VSIG2: variants seen among roughly 807,000 people sequenced by gnomAD.
The protein encoded by VSIG2 is V-set and immunoglobulin domain containing 2, also known as V-set and immunoglobulin domain-containing protein 2.
Under a neutral mutation model 29.4 loss-of-function variants are expected in VSIG2, and 30 were observed. The observed-to-expected ratio is 1.02, with a 90% CI of 0.76 to 1.38. The LOEUF (loss-of-function observed/expected upper bound fraction) is 1.38, where lower values mean the gene tolerates loss of function less well. Ranked by LOEUF, VSIG2 falls within the 40% of genes most tolerant of loss-of-function variation. The pLI, the probability that VSIG2 is intolerant of heterozygous loss-of-function variation, is 0.00. For synonymous variants in VSIG2, 178 were observed against 174.2 expected (o/e 1.02, Z -0.17); for missense variants, 421 against 400.8 (o/e 1.05, Z -0.43).
intron 1 of VSIG2, 133 bp downstream of exon 1, chr11:124,751,944 C>T: frequency 9.1e-7 from 1 of 1,104,778 alleles, no homozygotes; most frequent in Non-Finnish European, 1.2e-6. Flanking sequence ...GGCCTCACCT[C>T]AGGCGCCTTA....
In VSIG2 at chr11:124,748,656, G is replaced by C; in HGVS notation, c.694C>G (p.Leu232Val). ...CCAGCATCCCTACCGGTCACAGAGA[G>C]GGTCAGCTCACAGGATGCACTGCCC... is the stretch of plus-strand genomic sequence containing the variant. Reference protein sequence around the residue: ...QMGSASCELTLSVTEPSQGRV... With the variant: ...QMGSASCELTVSVTEPSQGRV... Residue 232 changes from leucine (L) to valine (V), a missense_variant, in exon 5 of 7, where the codon CTC becomes GTC. Transcript: ENST00000326621. 1.2e-6 allele frequency: 2 copies of C among 1,613,494 alleles called. No homozygotes were observed. The highest frequency in any genetic ancestry group is 1.7e-6 in the Non-Finnish European group (2 of 1,179,610).
chr11:124,751,872 A>G (rs1323387797), intron 1 of VSIG2, among the ~76,000 whole-genome samples: 4 of 152,116 alleles, frequency 2.6e-5, no homozygotes, highest in Non-Finnish European at 5.9e-5. Context: ...GAGAGGCCCA[A>G]CTCGCTCGCC....
Position 124,752,078 on chromosome 11 carries a change from ACTCAGGCACAGGAAG to A in VSIG2, c.45_59del (p.Phe16_Ser20del). On this transcript the variant is annotated inframe_deletion and splice_region_variant, in exon 1 of 7. Transcript: ENST00000326621. ...TGGTCCCGCCCGGCCCCTCCTCACC[ACTCAGGCACAGGAAG>A]CCTAGCAGGGCCCCGCAGAGAAAGG... The A allele has an allele frequency of 6.2e-7, 1 of 1,605,464 alleles. No homozygotes were observed. Among genetic ancestry groups the A allele is most frequent in the Non-Finnish European group, 8.5e-7 (1 of 1,178,318 alleles).
chr11:124,749,471 C>A (rs1002037989), intron 4 of VSIG2, among the ~76,000 whole-genome samples: 3 of 152,186 alleles, frequency 2.0e-5, no homozygotes, highest in African/African-American at 7.2e-5. Flanking sequence ...CCTCTACTCT[C>A]TTCCAGGATA....
chr11:124,750,096 A>G (rs1448012819), intron 3 of VSIG2, among the ~76,000 whole-genome samples: 1 of 152,212 alleles, frequency 6.6e-6, no homozygotes, highest in African/African-American at 2.4e-5. Flanking sequence ...GTGTGTTAAC[A>G]TAACCTCCAC....
chr11:124,751,969 C>A, intron 1 of VSIG2, 108 bp downstream of exon 1: 1 of 1,321,340 alleles, frequency 7.6e-7, no homozygotes, highest in South Asian at 1.6e-5. Flanking sequence ...CCCTGGCGCC[C>A]ACGGCAGCCT....
rs200370132 is a variant in VSIG2, at chr11:124,748,645, G to A, written c.705C>T (p.Thr235=). Residue 235 remains threonine, a splice_region_variant and synonymous_variant, in exon 5 of 7, where the codon ACC becomes ACT. Coordinates refer to ENST00000326621, the MANE Select transcript of VSIG2 (RefSeq NM_014312.5). ...SASCELTLSV[T]EPSQGRVAGA... ...CTGGCCTCCACCCAGCATCCCTACC[G>A]GTCACAGAGAGGGTCAGCTCACAGG... 1.1e-5 allele frequency: 17 copies of A among 1,612,420 alleles called. No homozygotes were observed. The highest frequency in any genetic ancestry group is 1.4e-5 in the Non-Finnish European group (16 of 1,179,022).
At position 124,749,802 on chromosome 11, in the gene VSIG2, CAGTGCAGTAGAGCCTCCCACAG is replaced by C; in HGVS notation, c.470_491del (p.Ser157Ter). 6.3e-7 allele frequency: 1 copy of C among 1,599,498 alleles called. No homozygotes were observed. The highest frequency in any genetic ancestry group is 8.5e-7 in the Non-Finnish European group (1 of 1,173,862). The stretch of plus-strand genomic sequence containing the variant: ...GAGCCCCCTCGGAAGAGCTGCATCT[CAGTGCAGTAGAGCCTCCCACAG>C]AGGTTTGTCCACTCTGACTGCATAA... On this transcript the variant is annotated frameshift_variant, in exon 4 of 7. Coordinates refer to ENST00000326621, the MANE Select transcript of VSIG2 (RefSeq NM_014312.5). LOFTEE classifies it high-confidence loss of function.
At position 124,752,204 on chromosome 11, in the gene VSIG2, C is replaced by A; in HGVS notation, c.-67G>T. 6.8e-7 allele frequency: 1 copy of A among 1,475,574 alleles called. No homozygotes were observed. 91.4% of individuals were successfully genotyped at this position (1,475,574 alleles called of 1,614,324 possible). On this transcript the variant is annotated 5_prime_UTR_variant, in exon 1 of 7. Transcript: ENST00000326621. ...GGTCAAGGTCGGTCTGGGTGTCGGG[C>A]AGGGAAGGGAGCACCCAAGGGCAGC...
rs753939828 is a variant in VSIG2 at position 124,748,704 on chromosome 11, G to C, written c.646C>G (p.Arg216Gly). ...NLSLTSSGTY[R>G]CVATNQMGSA... ...CCCATCTGGTTGGTGGCCACACAGCGGTAGGTGCCCGAGGAGGTCAGGGAG... is the reference window on the plus strand; with the variant it reads ...CCCATCTGGTTGGTGGCCACACAGCCGTAGGTGCCCGAGGAGGTCAGGGAG... Residue 216 changes from arginine (R) to glycine (G), a missense_variant, in exon 5 of 7, where the codon CGC (arginine) becomes GGC (glycine). Arg to Gly is a moderately radical substitution (Grantham distance 125, BLOSUM62 -2). Coordinates refer to ENST00000326621, the MANE Select transcript of VSIG2 (RefSeq NM_014312.5). The C allele has an allele frequency of 6.2e-7, 1 of 1,614,040 alleles. No homozygotes were observed. Among genetic ancestry groups the C allele is most frequent in the African/African-American group, 1.3e-5 (1 of 74,926 alleles).
intron 3 of VSIG2, among the ~76,000 whole-genome samples, 153 bp from the exon 4 acceptor site, chr11:124,750,019 C>A (rs896403879): frequency 7.2e-5 from 11 of 152,262 alleles, no homozygotes; most frequent in Admixed American, 2.6e-4. Flanking sequence ...TCCCCAGGAA[C>A]TGAGGGATTT....
rs1483449731 is a variant in VSIG2 at position 124,752,106 on chromosome 11, C to T, written c.32G>A (p.Gly11Glu). Residue 11 changes from glycine (G) to glutamate (E), a missense_variant, in exon 1 of 7, where the codon GGG (glycine) becomes GAG (glutamate). Transcript: ENST00000326621. ...CAGGCACAGGAAGCCTAGCAGGGCCCCGCAGAGAAAGGGCCCCGGGAGCTC... is the reference window on the plus strand; with the variant it reads ...CAGGCACAGGAAGCCTAGCAGGGCCTCGCAGAGAAAGGGCCCCGGGAGCTC... MAELPGPFLC[G>E]ALLGFLCLSG... The T allele has an allele frequency of 1.2e-6, 2 of 1,606,748 alleles. No homozygotes were observed. Among genetic ancestry groups the T allele is most frequent in the Non-Finnish European group, 1.7e-6 (2 of 1,178,878 alleles).
rs2134452945 is a variant in VSIG2, at chr11:124,750,824, A to C, written c.317T>G (p.Leu106Arg). 1 of 1,614,096 alleles carries C rather than the reference A, an allele frequency of 6.2e-7. No individual in the cohort carries two copies. The highest frequency in any genetic ancestry group is 1.3e-5 in the African/African-American group (1 of 75,006). The part of the protein sequence containing the change: ...QNPPTVGVAT[L>R]KLTDVHPSDT... ...TGAGGGGTGGACGTCAGTCAGTTTC[A>C]GTGTGGCCACCCCCACTGTGGGGGG... The change falls in exon 3 of 7, where the codon CTG (leucine) becomes CGG (arginine). Residue 106 changes from leucine to arginine, a missense_variant. By Grantham distance (102) the Leu-to-Arg change is moderately radical. Coordinates refer to ENST00000326621, the MANE Select transcript of VSIG2 (RefSeq NM_014312.5).
At position 124,747,574 on chromosome 11, in the gene VSIG2, G is replaced by C; in HGVS notation, c.945C>G (p.Thr315=). The change falls in exon 7 of 7, where the codon ACC becomes ACG. Residue 315 remains threonine, a synonymous_variant. Coordinates refer to ENST00000326621, the MANE Select transcript of VSIG2 (RefSeq NM_014312.5). ...GFLERPSSAS[T]VTTTKSKLPM... Reference sequence around the variant, plus strand: ...GGAGCTTGGACTTGGTGGTCGTCACGGTGCTGGCAGACGAGGGTCTTTCCA... The same window carrying C: ...GGAGCTTGGACTTGGTGGTCGTCACCGTGCTGGCAGACGAGGGTCTTTCCA... 3 of 1,613,772 alleles carry C rather than the reference G, an allele frequency of 1.9e-6. No individual in the cohort carries two copies. The highest frequency in any genetic ancestry group is 2.5e-6 in the Non-Finnish European group (3 of 1,179,856).
chr11:124,752,122 C>T lies in VSIG2; in HGVS notation c.16G>A (p.Gly6Arg). Residue 6 changes from glycine to arginine, a missense_variant, in exon 1 of 7, where the codon GGG (glycine) becomes AGG (arginine). Gly to Arg is a moderately radical substitution (Grantham distance 125). Transcript: ENST00000326621. MAELP[G>R]PFLCGALLGF... ...AGCAGGGCCCCGCAGAGAAAGGGCC[C>T]CGGGAGCTCGGCCATGGCCGCGTCC... 1.9e-6 allele frequency: 3 copies of T among 1,604,258 alleles called. No individual in the cohort carries two copies. The highest frequency in any genetic ancestry group is 2.2e-5 in the East Asian group (1 of 44,682).
intron 6 of VSIG2, 38 bp from the exon 7 acceptor site, chr11:124,747,705 G>A: frequency 6.3e-7 from 1 of 1,598,288 alleles, no homozygotes; most frequent in African/African-American, 1.4e-5. Flanking sequence ...AACAGTAGAA[G>A]CCTCCTGCGG....
At position 124,751,468 on chromosome 11, in the gene VSIG2, C is replaced by T. The variant is rs752502241; in HGVS notation, c.174G>A (p.Glu58=). 3.1e-6 allele frequency: 5 copies of T among 1,613,188 alleles called. No individual in the cohort carries two copies. In the Admixed American group the frequency reaches 8.3e-5, roughly 27 times the overall value. The change falls in exon 2 of 7, where the codon GAG becomes GAA. Residue 58 remains glutamate (E), a synonymous_variant. Transcript: ENST00000326621. Reference sequence around the variant, plus strand: ...GTTTCCCAGGCTGCACAAAGCTCCACTCCAGGGCGAAGCTGTCTCCCACCG... The same window carrying T: ...GTTTCCCAGGCTGCACAAAGCTCCATTCCAGGGCGAAGCTGTCTCCCACCG... ...STSVGDSFAL[E]WSFVQPGKPI...
chr11:124,748,888 G>T, intron 4 of VSIG2, 125 bp from the exon 5 acceptor site: 1 of 1,361,786 alleles, frequency 7.3e-7, no homozygotes, highest in Non-Finnish European at 1.0e-6. Flanking sequence ...TTTTCACTGG[G>T]GAGGAAACCG....
intron 4 of VSIG2, 90 bp from the exon 5 acceptor site, chr11:124,748,853 A>G: frequency 1.9e-6 from 3 of 1,596,954 alleles, no homozygotes; most frequent in South Asian, 2.2e-5. Context: ...CCTTATAACA[A>G]TCCTGTCAGG....
Sources: allele counts gnomAD v4.1 joint callset (sites outside exome capture counted in the v4.1 genomes callset), GRCh38; gene constraint gnomAD v4.1.1; transcripts MANE v1.5; gene names NCBI Gene and HGNC (gene_info 2026-07-23, HGNC 2026-07-21).